MYO15B: variants seen among roughly 807,000 people sequenced by gnomAD.
MYO15B encodes myosin XVB, also known as myosin XVB pseudogene.
In MYO15B, 207 loss-of-function variants were observed where a neutral mutation model predicts 119.3. That is an observed-to-expected ratio of 1.73 (90% CI 1.55 to 1.95). The LOEUF is 1.95. MYO15B is among the 30% of genes most tolerant of loss of function. The pLI, the probability that MYO15B is intolerant of heterozygous loss-of-function variation, is 0.00. For missense variants in MYO15B, 2,264 were observed against 1,203.1 expected, an observed-to-expected ratio of 1.88 and a Z score of -13.04; for synonymous variants, 966 against 498.9, an observed-to-expected ratio of 1.94 and a Z score of -12.48.
intron 4 of MYO15B, 26 bp downstream of exon 4, chr17:75,591,272 T>TG (rs1258836309): frequency 2.8e-6 from 2 of 702,116 alleles, no homozygotes; most frequent in Non-Finnish European, 5.2e-6. Flanking sequence ...CCTGGGTGGC[T>TG]GAACCCATGG....
rs2056500244 is a variant in MYO15B at position 75,592,092 on chromosome 17, G to C, written c.2651+12G>C. On this transcript the variant is annotated intron_variant, in intron 6 of 63. Coordinates refer to ENST00000645453, the Ensembl canonical transcript of MYO15B. ...CTCTACCTACAGCAGTGAGTGGCAG[G>C]GTTGCAGGGGGCACCTACAATCACT... The C allele has an allele frequency of 1.4e-6, 1 of 702,604 alleles. No individual in the cohort carries two copies. The highest frequency in any genetic ancestry group is 1.7e-5 in the African/African-American group (1 of 57,236). The allele number at this position is 702,604 out of a possible 1,614,324, so 43.5% of individuals were successfully genotyped here. A position where few individuals can be genotyped will look rare whatever the true frequency, so the allele number is the denominator to read the frequency against.
chr17:75,606,890 C>T, intron 21 of MYO15B: 1 of 398,414 alleles, frequency 2.5e-6, no homozygotes, highest in Non-Finnish European at 4.4e-6. Flanking sequence ...TATAACACCA[C>T]CCTCCCACTT....
At chr17:75,625,276 T>G (rs1406939454) in intron 60 of MYO15B, 38 bp downstream of exon 60, 4 of 667,690 alleles carry the variant, frequency 6.0e-6, no homozygotes, top group Non-Finnish European at 1.1e-5. Flanking sequence ...GCCCCTCCCC[T>G]TCTCTAAGGT....
intron 9 of MYO15B, 153 bp from the exon 10 acceptor site, chr17:75,594,322 C>A: frequency 2.0e-6 from 1 of 493,608 alleles, no homozygotes; most frequent in East Asian, 3.2e-5. Context: ...CCCTGAAAAC[C>A]ATAGCCTCGC....
chr17:75,594,619 T>G (rs535745584), intron 10 of MYO15B, 31 bp downstream of exon 10: 2 of 691,868 alleles, frequency 2.9e-6, no homozygotes, highest in South Asian at 3.0e-5. Context: ...GAGAGGGGCC[T>G]GGCCTGGCTG....
exon 21 of MYO15B, chr17:75,605,866 C>G (rs1261097582): frequency 1.4e-6 from 1 of 693,504 alleles, no homozygotes; most frequent in Admixed American, 2.0e-5. Context: ...ACCCACAGGT[C>G]CTGCTGCAGG....
At chr17:75,605,866 C>T in exon 21 of MYO15B, 3 of 693,622 alleles carry the variant, frequency 4.3e-6, no homozygotes, top group Non-Finnish European at 7.9e-6. Flanking sequence ...ACCCACAGGT[C>T]CTGCTGCAGG....
chr17:75,624,889 C>T (rs1334340664), exon 59 of MYO15B: 7 of 702,900 alleles, frequency 1.0e-5, no homozygotes, highest in Non-Finnish European at 1.8e-5. Context: ...TCGATAACTC[C>T]ACCTACATCA....
chr17:75,605,902 G>T, exon 21 of MYO15B: 3 of 702,026 alleles, frequency 4.3e-6, no homozygotes, highest in Non-Finnish European at 5.2e-6. Flanking sequence ...GGCTGGAGGA[G>T]CTCCGGGACC....
chr17:75,592,294 T>C (rs1178247542), exon 7 of MYO15B: 2 of 702,664 alleles, frequency 2.8e-6, no homozygotes, highest in South Asian at 1.5e-5. Flanking sequence ...TCCAGGGTGG[T>C]GTTTCAGGTA....
In MYO15B at chr17:75,594,830, A is replaced by G. The variant is rs2147759452; in HGVS notation, c.3165-10A>G. On this transcript the variant is annotated splice_polypyrimidine_tract_variant and intron_variant, in intron 11 of 63. Transcript: ENST00000645453. ...GCTCTATGTGGCTCACCCACCCGCC[A>G]TGCCTACAGGGACGCCCTGGCCAAG... is the stretch of plus-strand genomic sequence containing the variant. 2.8e-6 allele frequency: 2 copies of G among 702,956 alleles called. No homozygotes were observed. The highest frequency in any genetic ancestry group is 2.7e-5 in the East Asian group (1 of 37,274). The allele number at this position is 702,956 out of a possible 1,614,324, so 43.5% of individuals were successfully genotyped here. A position where few individuals can be genotyped will look rare whatever the true frequency, so the allele number is the denominator to read the frequency against.
chr17:75,596,794 C>G (rs994403125), exon 14 of MYO15B: 2 of 701,762 alleles, frequency 2.8e-6, no homozygotes, highest in African/African-American at 3.5e-5. Context: ...AGTTGCTGTC[C>G]TGGGTGCCTG....
chr17:75,602,536 G>A lies in MYO15B; in HGVS notation c.3671G>A (p.Arg1224Lys), dbSNP rs1235899289. 4.3e-6 allele frequency: 3 copies of A among 701,670 alleles called. No homozygotes were observed. In the South Asian group the frequency reaches 4.4e-5, roughly 10 times the overall value. 43.5% of individuals were successfully genotyped at this position (701,670 alleles called of 1,614,324 possible). The change falls in exon 16 of 64, where the codon AGA becomes AAA. Residue 1224 changes from arginine (R) to lysine (K), a missense_variant. Arg to Lys is a conservative substitution (Grantham distance 26). Transcript: ENST00000645453. ...TTGCAGGTTCACAAGTTTTTAAACA[G>A]AAACCGGGATCAGCTGGACCCTGCT... is the stretch of plus-strand genomic sequence containing the variant.
rs1598670501 is a variant in MYO15B at position 75,588,678 on chromosome 17, C to CA, written c.621_622insA (p.Gly208ArgfsTer224). ...AGTCAGCGCTGGAGCCAAGCAGCGA[C>CA]GGCCTGGACAGCGACTGGCCCCACG... On this transcript the variant is annotated frameshift_variant, in exon 1 of 64. Transcript: ENST00000645453. LOFTEE classifies it high-confidence loss of function. 61 of 399,848 alleles carry CA rather than the reference C, an allele frequency of 1.5e-4. 1 individual carries two copies. In the East Asian group the frequency reaches 2.2e-3, roughly 14 times the overall value. 24.8% of individuals were successfully genotyped at this position (399,848 alleles called of 1,614,324 possible). A position where few individuals can be genotyped will look rare whatever the true frequency, so the allele number is the denominator to read the frequency against.
chr17:75,612,001 C>A (rs1178654158), exon 25 of MYO15B: 1 of 703,026 alleles, frequency 1.4e-6, no homozygotes, highest in Non-Finnish European at 2.6e-6. Flanking sequence ...CCAGCTTCGT[C>A]GCCATCGGCT....
In MYO15B at chr17:75,613,482, C is replaced by T. The variant is rs766450515; in HGVS notation, c.5146+11C>T. The stretch of plus-strand genomic sequence containing the variant: ...TGTTCACCTTCAGCGGTGAGGGCTG[C>T]CTCTGGCTGAGGCCTCCCAGGCCTG... On this transcript the variant is annotated intron_variant, in intron 28 of 63. Transcript: ENST00000645453. The T allele has an allele frequency of 1.5e-6, 1 of 671,928 alleles. No individual in the cohort carries two copies. The highest frequency in any genetic ancestry group is 1.6e-5 in the South Asian group (1 of 63,092). 41.6% of individuals were successfully genotyped at this position (671,928 alleles called of 1,614,324 possible).
In MYO15B at chr17:75,606,014, C is replaced by T; in HGVS notation, c.4285C>T (p.Gln1429Ter). The T allele has an allele frequency of 1.4e-6, 1 of 693,990 alleles. No individual in the cohort carries two copies. The highest frequency in any genetic ancestry group is 2.6e-6 in the Non-Finnish European group (1 of 378,976). 43.0% of individuals were successfully genotyped at this position (693,990 alleles called of 1,614,324 possible). Residue 1429 changes from glutamine to a stop codon, truncating the protein, a stop_gained, in exon 21 of 64, where the codon CAG becomes TAG. Transcript: ENST00000645453. LOFTEE classifies it high-confidence loss of function. ...GATGCAGGCTCGCATGCGTGGGTTC[C>T]AGGCCAGGTCTGCAGGCGTTGGAGC...
rs778229005 is a variant in MYO15B at position 75,615,069 on chromosome 17, A to G, written c.5641+27A>G. 3 of 699,082 alleles carry G rather than the reference A, an allele frequency of 4.3e-6. No individual in the cohort carries two copies. In the South Asian group the frequency reaches 4.4e-5, roughly 10 times the overall value. The allele number at this position is 699,082 out of a possible 1,614,324, so 43.3% of individuals were successfully genotyped here. A position where few individuals can be genotyped will look rare whatever the true frequency, so the allele number is the denominator to read the frequency against. Reference sequence around the variant, plus strand: ...TGAGTGAGGGGCTGATTCCTCACCCAGGGCCTCCGGGCCCGGCAGCATGGC... The same window carrying G: ...TGAGTGAGGGGCTGATTCCTCACCCGGGGCCTCCGGGCCCGGCAGCATGGC... On this transcript the variant is annotated intron_variant, in intron 33 of 63. Coordinates refer to ENST00000645453, the Ensembl canonical transcript of MYO15B.
Position 75,615,804 on chromosome 17 carries a change from G to A in MYO15B, c.5950G>A (p.Val1984Ile), listed in dbSNP as rs115771308. The change falls in exon 36 of 64, where the codon GTC (valine) becomes ATC (isoleucine). Residue 1984 changes from valine (V) to isoleucine (I), a missense_variant. Transcript: ENST00000645453. ...TGCGTCCCAGGCCTCACCCTCAGCC[G>A]TCACCTCCAAGCCCAGGAAGCCCCC... is the stretch of plus-strand genomic sequence containing the variant. The A allele has an allele frequency of 3.3e-3, 2,285 of 702,492 alleles. 30 individuals carry two copies. In the African/African-American group the frequency reaches 0.034, roughly 11 times the overall value. 43.5% of individuals were successfully genotyped at this position (702,492 alleles called of 1,614,324 possible).
Sources: gnomAD v4.1 joint callset for allele counts on GRCh38, gnomAD v4.1.1 for gene constraint, MANE v1.5 for transcripts, NCBI Gene and HGNC (gene_info 2026-07-23, HGNC 2026-07-21) for gene names.